Variants in HPD observed in about 807,000 individuals in gnomAD.
The protein encoded by HPD is 4-hydroxyphenylpyruvate dioxygenase, also known as 4-hydroxyphenylpyruvic acid oxidase.
In HPD, 35 loss-of-function variants were observed where a neutral mutation model predicts 56.9. The ratio of observed to expected loss-of-function variants is 0.62; its 90% CI spans 0.47 to 0.82. The LOEUF is 0.82. Ranked by LOEUF, HPD falls within the 40% of genes least tolerant of loss-of-function variation. The pLI is 0.00. For synonymous variants in HPD, 186 were observed against 200.2 expected (o/e 0.93, Z 0.60); for missense variants, 442 against 506.8 (o/e 0.87, Z 1.23).
intron 7 of HPD, among the ~76,000 whole-genome samples, chr12:121,852,383 T>A (rs1331342957): frequency 2.0e-5 from 3 of 151,918 alleles, no homozygotes; most frequent in African/African-American, 7.3e-5. Context: ...TTGCCCATGC[T>A]GGTCTCGAAC....
chr12:121,881,974 G>A, the HPD span, among the ~76,000 whole-genome samples: 1 of 150,970 alleles, frequency 6.6e-6, no homozygotes, highest in Non-Finnish European at 1.5e-5. Flanking sequence ...TAGAGATGGG[G>A]TTTCACCATG....
At chr12:121,862,824 G>A (rs1464412631), upstream of HPD, among the ~76,000 whole-genome samples, 1 of 149,150 alleles carries the variant, frequency 6.7e-6, no homozygotes, top group African/African-American at 2.5e-5. Context: ...GGGAATACAG[G>A]CACCTGCCAC....
intron 6 of HPD, 52 bp from the exon 7 acceptor site, chr12:121,854,844 C>G (rs1877937898): frequency 7.2e-7 from 1 of 1,386,034 alleles, no homozygotes; most frequent in Admixed American, 1.7e-5. Flanking sequence ...CCTTCCAGAA[C>G]CCTTGCCTGC....
the HPD span, among the ~76,000 whole-genome samples, chr12:121,875,057 G>A: frequency 6.6e-6 from 1 of 152,138 alleles, no homozygotes; most frequent in South Asian, 2.1e-4. Flanking sequence ...ACCGTGCCTG[G>A]CCTTGTCACT....
At chr12:121,858,333 C>A (rs543980270) in intron 2 of HPD, among the ~76,000 whole-genome samples, 1 of 152,042 alleles carries the variant, frequency 6.6e-6, no homozygotes, top group African/African-American at 2.4e-5. Context: ...TACAGGGGTG[C>A]GCTACCATGC....
At chr12:121,875,560 G>C in the HPD span, among the ~76,000 whole-genome samples, 1 of 151,742 alleles carries the variant, frequency 6.6e-6, no homozygotes, top group Admixed American at 6.6e-5. Context: ...CAAGTAGCTG[G>C]AATTATAGGT....
chr12:121,849,824 G>A (rs1877706649), intron 7 of HPD, 34 bp from the exon 8 acceptor site: 1 of 1,440,688 alleles, frequency 6.9e-7, no homozygotes, highest in East Asian at 2.3e-5. Context: ...TCGGCCCCTG[G>A]GCACCCATCC....
At chr12:121,864,697 C>CA (rs1219640008), upstream of HPD, among the ~76,000 whole-genome samples, 1 of 151,046 alleles carries the variant, frequency 6.6e-6, no homozygotes, top group Non-Finnish European at 1.5e-5. Flanking sequence ...ACTAAAAATA[C>CA]AAAAAATTAG....
the HPD span, among the ~76,000 whole-genome samples, chr12:121,868,800 C>T: frequency 6.6e-6 from 1 of 152,176 alleles, no homozygotes; most frequent in African/African-American, 2.4e-5. Context: ...GGATTACAGG[C>T]ATGAGCCACC....
At chr12:121,885,912 T>A in the HPD span, among the ~76,000 whole-genome samples, 1 of 150,072 alleles carries the variant, frequency 6.7e-6, no homozygotes, top group Non-Finnish European at 1.5e-5. Context: ...TGAGCCGAGA[T>A]CTCGCCACTG....
intron 8 of HPD, among the ~76,000 whole-genome samples, chr12:121,849,367 TTATTTTG>T (rs1251008983): frequency 6.6e-6 from 1 of 152,026 alleles, no homozygotes; most frequent in Non-Finnish European, 1.5e-5. Flanking sequence ...GCCGGACATT[TTATTTTG>T]TCAACTCATT....
chr12:121,870,125 G>A, the HPD span, among the ~76,000 whole-genome samples: 1 of 150,760 alleles, frequency 6.6e-6, no homozygotes, highest in African/African-American at 2.4e-5. Flanking sequence ...AAAATCTTCT[G>A]CAGAAGGAAC....
upstream of HPD, among the ~76,000 whole-genome samples, chr12:121,866,000 C>A (rs1878316884): frequency 6.7e-6 from 1 of 148,752 alleles, no homozygotes; most frequent in African/African-American, 2.5e-5. Flanking sequence ...AAAAACAAAG[C>A]AAAACAAAAC....
chr12:121,883,686 T>C, the HPD span, among the ~76,000 whole-genome samples: 4 of 150,560 alleles, frequency 2.7e-5, no homozygotes, highest in Non-Finnish European at 4.4e-5. Flanking sequence ...TTCTTTCTTT[T>C]TTTTTTTTTT....
upstream of HPD, among the ~76,000 whole-genome samples, chr12:121,863,203 C>T (rs776032566): frequency 6.6e-6 from 1 of 152,060 alleles, no homozygotes; most frequent in Non-Finnish European, 1.5e-5. Flanking sequence ...AGGCTGATCT[C>T]GAACTCTTGG....
chr12:121,862,595 CCTT>C (rs1878206420), upstream of HPD, among the ~76,000 whole-genome samples: 1 of 102,298 alleles, frequency 9.8e-6, no homozygotes, highest in African/African-American at 4.0e-5. Context: ...CCGCTCTCGG[CCTT>C]TTTTTTTTTT....
In HPD at chr12:121,847,250, C is replaced by T. The variant is rs557915082; in HGVS notation, c.597-36G>A. ...GGCGGTGGAACACATATGCTCTGAG[C>T]GCCTCCAGGGACGGCCTCCATCACC... is the stretch of plus-strand genomic sequence containing the variant. On this transcript the variant is annotated intron_variant, in intron 9 of 13. Transcript: ENST00000289004. 2.9e-5 allele frequency: 46 copies of T among 1,609,548 alleles called. No homozygotes were observed. The East Asian group carries it at 5.8e-4, about 20-fold the overall frequency.
chr12:121,885,140 C>T, the HPD span, among the ~76,000 whole-genome samples: 1 of 152,122 alleles, frequency 6.6e-6, no homozygotes, highest in Non-Finnish European at 1.5e-5. Flanking sequence ...ATCCACCCCC[C>T]TCAGCCTCCC....
intron 4 of HPD, chr12:121,857,061 T>G: frequency 2.0e-6 from 1 of 511,850 alleles, no homozygotes; most frequent in Non-Finnish European, 3.5e-6. Flanking sequence ...TTGTTGTTGT[T>G]GTTGGGGTTT....
Sources: gnomAD v4.1 joint callset for allele counts (sites outside exome capture counted in the v4.1 genomes callset) on GRCh38, gnomAD v4.1.1 for gene constraint, MANE v1.5 for transcripts, NCBI Gene and HGNC (gene_info 2026-07-23, HGNC 2026-07-21) for gene names.